The following MCMDC2 variants were observed in gnomAD, a reference collection of about 807,000 sequenced individuals.
The protein encoded by MCMDC2 is minichromosome maintenance domain containing 2, also known as minichromosome maintenance domain-containing protein 2.
MCMDC2 carries 54 observed loss-of-function variants against 75.8 expected under a neutral mutation model. The ratio of observed to expected loss-of-function variants is 0.71; its 90% confidence interval spans 0.57 to 0.89. The LOEUF (loss-of-function observed/expected upper bound fraction) is 0.89. MCMDC2 is among the 40% of genes least tolerant of loss of function. The pLI is 0.00. For missense variants in MCMDC2, 656 were observed against 780.4 expected, an observed-to-expected ratio of 0.84 and a Z score of 1.90; for synonymous variants, 249 against 274.6, an observed-to-expected ratio of 0.91 and a Z score of 0.92.
chr8:66,910,152 A>C (rs185393585), intron 14 of MCMDC2, among the ~76,000 whole-genome samples: 79 of 152,354 alleles, frequency 5.2e-4, no homozygotes, highest in African/African-American at 1.8e-3. Flanking sequence ...AAATGTGTGG[A>C]TATCCCTGCA....
chr8:66,916,058 G>A (rs1813304313), intron 14 of MCMDC2, among the ~76,000 whole-genome samples: 1 of 152,070 alleles, frequency 6.6e-6, no homozygotes, highest in Admixed American at 6.6e-5. Context: ...ATGAGGCTAT[G>A]GAGACAGCAC....
At chr8:66,917,263 G>T (rs1336353043) in intron 14 of MCMDC2, among the ~76,000 whole-genome samples, 1 of 152,122 alleles carries the variant, frequency 6.6e-6, no homozygotes, top group African/African-American at 2.4e-5. Context: ...GTCTGAGGCT[G>T]TTCTTATGAG....
Position 66,874,102 on chromosome 8 carries a change from A to G in MCMDC2, c.-39A>G. 1.4e-6 allele frequency: 2 copies of G among 1,448,410 alleles called. No homozygotes were observed. Among genetic ancestry groups the G allele is most frequent in the Non-Finnish European group, 1.9e-6 (2 of 1,059,838 alleles). 89.7% of individuals were successfully genotyped at this position (1,448,410 alleles called of 1,614,324 possible). On this transcript the variant is annotated 5_prime_UTR_variant, in exon 2 of 15. Transcript: ENST00000422365. ...TCGCCATCTATAGCTTTTATCAACAATTGTGGTTTAATCAATTAGAAATAT... is the reference window on the plus strand; with the variant it reads ...TCGCCATCTATAGCTTTTATCAACAGTTGTGGTTTAATCAATTAGAAATAT...
intron 4 of MCMDC2, among the ~76,000 whole-genome samples, chr8:66,875,122 C>T (rs1811217064): frequency 6.6e-6 from 1 of 152,028 alleles, no homozygotes; most frequent in Non-Finnish European, 1.5e-5. Flanking sequence ...TACAGTGAAC[C>T]TTCATATATC....
chr8:66,921,536 G>A lies in MCMDC2; in HGVS notation c.*2367G>A, dbSNP rs1813533582. On this transcript the variant is annotated 3_prime_UTR_variant, in exon 15 of 15. Transcript: ENST00000422365. ...TCACCCAGATATAAATTCAGCTTTA[G>A]AATTCTTGCCAATTTAGTCCTAGAC... 6.6e-6 allele frequency: 1 copy of A among 152,212 alleles called. No individual in the cohort carries two copies. The allele number at this position is 152,212 out of a possible 1,614,324, so 9.4% of individuals were successfully genotyped here.
In MCMDC2 at chr8:66,875,827, T is replaced by C. The variant is rs1481445572; in HGVS notation, c.285+1241T>C. 5.3e-5 allele frequency among the ~76,000 whole-genome samples: 8 copies of C among 152,334 alleles called. No individual in the cohort carries two copies. The East Asian group carries it at 1.3e-3, about 26-fold the overall frequency. On this transcript the variant is annotated intron_variant, in intron 4 of 14. Coordinates refer to ENST00000422365, the MANE Select transcript of MCMDC2 (RefSeq NM_173518.5). ...CTCCCTTTTTAGACCATTACCTTTT[T>C]GAAGAAACTAATTGGTCCTACGTTA... is the stretch of plus-strand genomic sequence containing the variant.
At chr8:66,883,684 A>G (rs1050636888) in intron 8 of MCMDC2, 73 bp from the exon 9 acceptor site, 1 of 766,696 alleles carries the variant, frequency 1.3e-6, no homozygotes, top group African/African-American at 1.8e-5. Flanking sequence ...TTTTAGATAA[A>G]GGGAGTCAAA....
chr8:66,907,426 G>A (rs1051834907), intron 14 of MCMDC2, among the ~76,000 whole-genome samples: 1 of 152,164 alleles, frequency 6.6e-6, no homozygotes, highest in Admixed American at 6.5e-5. Context: ...TGGCTGCATA[G>A]TATTCCATGG....
At chr8:66,890,430 G>A (rs1321021826) in intron 9 of MCMDC2, among the ~76,000 whole-genome samples, 1 of 151,924 alleles carries the variant, frequency 6.6e-6, no homozygotes, top group East Asian at 1.9e-4. Flanking sequence ...CCAGGATGAA[G>A]ACATTTTTTA....
At chr8:66,907,829 G>A (rs144264893) in intron 14 of MCMDC2, among the ~76,000 whole-genome samples, 1 of 152,272 alleles carries the variant, frequency 6.6e-6, no homozygotes, top group Non-Finnish European at 1.5e-5. Context: ...GACTAGTGAT[G>A]ATGAGCTTTT....
At chr8:66,893,451 G>C (rs1812204943) in intron 10 of MCMDC2, among the ~76,000 whole-genome samples, 1 of 152,198 alleles carries the variant, frequency 6.6e-6, no homozygotes, top group African/African-American at 2.4e-5. Flanking sequence ...AGGTTTATTA[G>C]ACTTACAGTT....
intron 14 of MCMDC2, among the ~76,000 whole-genome samples, chr8:66,909,809 G>A (rs11988493): frequency 0.018 from 2,790 of 152,290 alleles, 89 homozygotes; most frequent in African/African-American, 0.062. Flanking sequence ...AGTAACAAGA[G>A]GCCAAATGTT....
chr8:66,892,351 G>A (rs1812148332), intron 10 of MCMDC2, among the ~76,000 whole-genome samples: 1 of 152,236 alleles, frequency 6.6e-6, no homozygotes, highest in African/African-American at 2.4e-5. Flanking sequence ...AGCTCAGCAA[G>A]CCTGCCAGGA....
intron 10 of MCMDC2, among the ~76,000 whole-genome samples, chr8:66,895,258 G>A (rs1812294450): frequency 6.6e-6 from 1 of 152,136 alleles, no homozygotes; most frequent in African/African-American, 2.4e-5. Context: ...GTGGTTGGTT[G>A]AATCTACAGA....
downstream of MCMDC2, among the ~76,000 whole-genome samples, chr8:66,923,204 A>G (rs1281790521): frequency 6.6e-6 from 1 of 152,182 alleles, no homozygotes; most frequent in East Asian, 1.9e-4. Context: ...TCACCTAAAA[A>G]CATTATAACG....
Position 66,878,894 on chromosome 8 carries a change from T to C in MCMDC2, c.684T>C (p.Phe228=). The change falls in exon 7 of 15, where the codon TTT becomes TTC. Residue 228 remains phenylalanine (F), a synonymous_variant. Coordinates refer to ENST00000422365, the MANE Select transcript of MCMDC2 (RefSeq NM_173518.5). ...ATTCTAACAACCAGCCATTTAGGTT[T>C]CAATCACTTACAATTTTCCTAAGAG... ...QGYSNNQPFR[F]QSLTIFLRDE... 1 of 1,608,000 alleles carries C rather than the reference T, an allele frequency of 6.2e-7. No individual in the cohort carries two copies. Among genetic ancestry groups the C allele is most frequent in the Non-Finnish European group, 8.5e-7 (1 of 1,176,930 alleles).
chr8:66,904,596 G>A (rs1812834999), intron 13 of MCMDC2, among the ~76,000 whole-genome samples: 8 of 152,058 alleles, frequency 5.3e-5, no homozygotes, highest in Admixed American at 5.2e-4. Flanking sequence ...ACTCAGCCTA[G>A]GTTTTCTGAT....
At chr8:66,885,976 GA>G (rs2130812292) in intron 9 of MCMDC2, among the ~76,000 whole-genome samples, 1 of 152,162 alleles carries the variant, frequency 6.6e-6, no homozygotes, top group South Asian at 2.1e-4. Context: ...TTCATTATAC[GA>G]ATGTACCAAA....
In MCMDC2 at chr8:66,873,722, C is replaced by G. The variant is rs372229921; in HGVS notation, c.-88-331C>G. 2.2e-3 allele frequency among the ~76,000 whole-genome samples: 329 copies of G among 152,096 alleles called. 4 individuals carry two copies. The highest frequency in any genetic ancestry group is 7.6e-3 in the African/African-American group (317 of 41,488). On this transcript the variant is annotated intron_variant, in intron 1 of 14. Coordinates refer to ENST00000422365, the MANE Select transcript of MCMDC2 (RefSeq NM_173518.5). The stretch of plus-strand genomic sequence containing the variant: ...CTAACACAATGAAACCCCATCTCTA[C>G]TAAAAATACAAAAAATTAGCCGGGC...
Sources: gnomAD v4.1 joint callset for allele counts (sites outside exome capture counted in the v4.1 genomes callset) on GRCh38, gnomAD v4.1.1 for gene constraint, MANE v1.5 for transcripts, NCBI Gene and HGNC (gene_info 2026-07-23, HGNC 2026-07-21) for gene names.